The following AGBL4 variants were observed in gnomAD, a reference collection of about 807,000 sequenced individuals.
The protein encoded by AGBL4 is AGBL carboxypeptidase 4.
Under a neutral mutation model 66.4 loss-of-function variants are expected in AGBL4, and 58 were observed. The ratio of observed to expected loss-of-function variants is 0.87; its 90% confidence interval spans 0.71 to 1.09. The LOEUF (loss-of-function observed/expected upper bound fraction) is 1.09. Ranked by LOEUF, AGBL4 falls within the 50% of genes least tolerant of loss-of-function variation. AGBL4 has a pLI of 0.00. For synonymous variants in AGBL4, 234 were observed against 222.9 expected (o/e 1.05, Z -0.44); for missense variants, 579 against 631.0 (o/e 0.92, Z 0.88).
intron 3 of AGBL4, among the ~76,000 whole-genome samples, chr1:49,580,884 C>T (rs1456496409): frequency 4.6e-5 from 7 of 152,100 alleles, no homozygotes; most frequent in East Asian, 1.9e-4. Context: ...ATTGTTGTGC[C>T]TCCTGGATCT....
chr1:49,634,644 C>T (rs1645636359), intron 3 of AGBL4, among the ~76,000 whole-genome samples: 1 of 152,176 alleles, frequency 6.6e-6, no homozygotes, highest in Non-Finnish European at 1.5e-5. Flanking sequence ...GCCACACTGT[C>T]TTCCACAATG....
At chr1:48,630,872 T>C (rs1238335104) in intron 9 of AGBL4, among the ~76,000 whole-genome samples, 15 of 152,120 alleles carry the variant, frequency 9.9e-5, no homozygotes, top group Admixed American at 7.2e-4. Context: ...ACATGCTGTT[T>C]CCTCTGCCTG....
chr1:49,707,367 C>CTTTTTTTTTTT (rs34368394), intron 2 of AGBL4, among the ~76,000 whole-genome samples: 77 of 76,228 alleles, frequency 1.0e-3, no homozygotes, highest in East Asian at 1.5e-3. Flanking sequence ...GCAACCCCTG[C>CTTTTTTTTTTT]TTTTTTTTTT....
intron 10 of AGBL4, among the ~76,000 whole-genome samples, chr1:48,589,979 A>T (rs1032193136): frequency 1.3e-5 from 2 of 152,232 alleles, no homozygotes; most frequent in Non-Finnish European, 2.9e-5. Context: ...CGGGAACAGT[A>T]GCTCATGCCT....
chr1:49,219,685 G>C (rs1213556340), intron 4 of AGBL4, among the ~76,000 whole-genome samples: 1 of 152,124 alleles, frequency 6.6e-6, no homozygotes, highest in African/African-American at 2.4e-5. Context: ...TTATAGATGT[G>C]ACCATATTGA....
chr1:49,394,167 C>T (rs1209040561), intron 3 of AGBL4, among the ~76,000 whole-genome samples: 1 of 151,836 alleles, frequency 6.6e-6, no homozygotes, highest in East Asian at 1.9e-4. Context: ...ATGGAGCAGA[C>T]CTTCCTGGAG....
At position 49,491,473 on chromosome 1, in the gene AGBL4, C is replaced by T. The variant is rs376473810; in HGVS notation, c.282+205840G>A. 1.2e-3 allele frequency among the ~76,000 whole-genome samples: 179 copies of T among 151,938 alleles called. 7 individuals are homozygous for T. The South Asian group carries it at 0.035, about 30-fold the overall frequency. ...AAGACTTTAAGCACCTAGAAAGCTG[C>T]ATTGACTTTGAAATGCCACATTTGA... On this transcript the variant is annotated intron_variant, in intron 3 of 13. Coordinates refer to ENST00000371839, the MANE Select transcript of AGBL4 (RefSeq NM_032785.4).
rs552370546 is a variant in AGBL4, at chr1:49,767,935, T to C, written c.158-70498A>G. Among the ~76,000 whole-genome samples the C allele has an allele frequency of 2.6e-3, 387 of 151,100 alleles. 1 individual carries two copies. Among genetic ancestry groups the C allele is most frequent in the African/African-American group, 9.1e-3 (376 of 41,160 alleles). On this transcript the variant is annotated intron_variant, in intron 2 of 13. Transcript: ENST00000371839. ...AAACCCTGAAAAGACAAATATCAAGTTCGAAAATTGAATCAGTTGCATGTG... is the reference window on the plus strand; with the variant it reads ...AAACCCTGAAAAGACAAATATCAAGCTCGAAAATTGAATCAGTTGCATGTG...
intron 4 of AGBL4, among the ~76,000 whole-genome samples, chr1:49,129,633 G>C (rs1380120469): frequency 6.6e-6 from 1 of 152,006 alleles, no homozygotes; most frequent in African/African-American, 2.4e-5. Flanking sequence ...TCCCTACAAA[G>C]GACATGAACT....
intron 8 of AGBL4, among the ~76,000 whole-genome samples, chr1:48,650,690 T>C (rs1431760928): frequency 6.6e-6 from 1 of 152,182 alleles, no homozygotes; most frequent in Non-Finnish European, 1.5e-5. Context: ...GGCCATTAGA[T>C]TGGCAAGTAG....
chr1:48,728,388 T>C (rs1647531962), intron 6 of AGBL4, among the ~76,000 whole-genome samples: 1 of 152,148 alleles, frequency 6.6e-6, no homozygotes, highest in East Asian at 1.9e-4. Flanking sequence ...TTTTTTTCTT[T>C]TAGTGTTAAC....
chr1:49,278,385 AAGAG>A (rs144823460), intron 3 of AGBL4, among the ~76,000 whole-genome samples: 2 of 152,188 alleles, frequency 1.3e-5, no homozygotes, highest in South Asian at 2.1e-4. Flanking sequence ...CAGTAAATCT[AAGAG>A]AGAGAGAGCA....
At chr1:49,117,014 G>A (rs541452245) in intron 4 of AGBL4, among the ~76,000 whole-genome samples, 2 of 150,978 alleles carry the variant, frequency 1.3e-5, no homozygotes, top group African/African-American at 2.4e-5. Context: ...CTGCATAAAT[G>A]TCTTCTTTTG....
chr1:49,983,684 C>G (rs1230564947), intron 1 of AGBL4, among the ~76,000 whole-genome samples: 2 of 152,262 alleles, frequency 1.3e-5, no homozygotes, highest in Non-Finnish European at 2.9e-5. Context: ...TTAATCAGTA[C>G]TTTGAATACA....
chr1:48,575,489 C>T (rs550302774), intron 11 of AGBL4, among the ~76,000 whole-genome samples: 13 of 152,184 alleles, frequency 8.5e-5, no homozygotes, highest in African/African-American at 1.4e-4. Context: ...GACCTCCAGG[C>T]AGCACTGGTG....
chr1:48,534,213 T>C lies in AGBL4; in HGVS notation c.1472A>G (p.Lys491Arg). ...SNYPNSKGDK[K>R]SSVNHKDPST... The stretch of plus-strand genomic sequence containing the variant: ...AGGGTCTTTGTGGTTCACTGAGCTC[T>C]TCTTGTCCCCTTTGCTGTTGGGGTA... The change falls in exon 14 of 14, where the codon AAG (lysine) becomes AGG (arginine). Residue 491 changes from lysine (K) to arginine (R), a missense_variant. Transcript: ENST00000371839. 6.4e-7 allele frequency: 1 copy of C among 1,551,708 alleles called. No individual in the cohort carries two copies. The highest frequency in any genetic ancestry group is 8.7e-7 in the Non-Finnish European group (1 of 1,146,954).
chr1:48,989,899 T>A (rs575484339), intron 5 of AGBL4, among the ~76,000 whole-genome samples: 1 of 152,292 alleles, frequency 6.6e-6, no homozygotes, highest in East Asian at 1.9e-4. Flanking sequence ...GTATATCCAA[T>A]AGTGTGATTG....
chr1:49,600,285 C>T lies in AGBL4; in HGVS notation c.282+97028G>A, dbSNP rs566315326. On this transcript the variant is annotated intron_variant, in intron 3 of 13. Coordinates refer to ENST00000371839, the MANE Select transcript of AGBL4 (RefSeq NM_032785.4). ...GTCTCTAAGAACTTGCTTTATGAAT[C>T]TGGGTGCTCCTGTATTGGGTGCATA... 1.4e-3 allele frequency among the ~76,000 whole-genome samples: 211 copies of T among 152,260 alleles called. 1 individual carries two copies. The highest frequency in any genetic ancestry group is 4.8e-3 in the African/African-American group (198 of 41,534).
chr1:50,011,380 T>G (rs1249925241), intron 1 of AGBL4, among the ~76,000 whole-genome samples: 1 of 152,118 alleles, frequency 6.6e-6, no homozygotes, highest in Non-Finnish European at 1.5e-5. Context: ...AGACAGGCAA[T>G]AACAAATTCT....
Sources: allele counts gnomAD v4.1 joint callset (sites outside exome capture counted in the v4.1 genomes callset), GRCh38; gene constraint gnomAD v4.1.1; transcripts MANE v1.5; gene names NCBI Gene and HGNC (gene_info 2026-07-23, HGNC 2026-07-21).